The following PPIP5K2 variants were observed in gnomAD, a reference collection of about 807,000 sequenced individuals.
The protein encoded by PPIP5K2 is diphosphoinositol pentakisphosphate kinase 2.
PPIP5K2 carries 105 observed loss-of-function variants against 154.6 expected under a neutral mutation model. The observed-to-expected ratio is 0.68, with a 90% CI of 0.58 to 0.80. The LOEUF is 0.80. Ranked by LOEUF, PPIP5K2 falls within the 30% of genes least tolerant of loss-of-function variation. PPIP5K2 has a pLI of 0.00. For missense variants in PPIP5K2, 992 were observed against 1,504.6 expected (o/e 0.66, Z 5.64); for synonymous variants, 480 against 490.3 (o/e 0.98, Z 0.28).
At chr5:103,182,683 G>A (rs1265320195) in intron 24 of PPIP5K2, among the ~76,000 whole-genome samples, 1 of 152,072 alleles carries the variant, frequency 6.6e-6, no homozygotes, top group Non-Finnish European at 1.5e-5. Context: ...GTATAAACAG[G>A]TGCAATTTGA....
intron 23 of PPIP5K2, among the ~76,000 whole-genome samples, chr5:103,178,888 ATGAT>A (rs1386695591): frequency 2.6e-5 from 4 of 151,826 alleles, no homozygotes; most frequent in African/African-American, 9.7e-5. Context: ...GCTGTCATAA[ATGAT>A]TTATTTATGA....
chr5:103,195,152 G>C (rs1801882028), intron 30 of PPIP5K2, 127 bp downstream of exon 30: 1 of 1,206,852 alleles, frequency 8.3e-7, no homozygotes, highest in South Asian at 2.0e-5. Context: ...ATGATCCTAA[G>C]GGTTAAAAAT....
chr5:103,165,249 T>G (rs555168676), intron 17 of PPIP5K2, among the ~76,000 whole-genome samples: 24 of 152,166 alleles, frequency 1.6e-4, no homozygotes, highest in African/African-American at 5.5e-4. Context: ...CTTGATCTCA[T>G]TACTATACAG....
rs536262998 is a variant in PPIP5K2 at position 103,210,811 on chromosome 5, A to G, written c.*9177A>G. 1.8e-4 allele frequency: 27 copies of G among 152,270 alleles called. No homozygotes were observed. Among genetic ancestry groups the G allele is most frequent in the African/African-American group, 3.8e-4 (16 of 41,572 alleles). The allele number at this position is 152,270 out of a possible 1,614,324, so 9.4% of individuals were successfully genotyped here. ...TATCAGCATGAGACAATTTATTTGC[A>G]TAATAGCTTTTTGTTATTATCCAGA... On this transcript the variant is annotated 3_prime_UTR_variant, in exon 31 of 31. Coordinates refer to ENST00000358359, the MANE Select transcript of PPIP5K2 (RefSeq NM_001276277.3).
In PPIP5K2 at chr5:103,211,932, A is replaced by G. The variant is rs1554232608; in HGVS notation, c.*10298A>G. On this transcript the variant is annotated 3_prime_UTR_variant, in exon 31 of 31. Transcript: ENST00000358359. Reference sequence around the variant, plus strand: ...TGTTACAGGTGAAAAGCAAGAATTAAAACTAGTTATCTGAATGTAAAAGGA... The same window carrying G: ...TGTTACAGGTGAAAAGCAAGAATTAGAACTAGTTATCTGAATGTAAAAGGA... The G allele has an allele frequency of 6.6e-6, 1 of 152,170 alleles. No individual in the cohort carries two copies. Among genetic ancestry groups the G allele is most frequent in the Non-Finnish European group, 1.5e-5 (1 of 67,994 alleles). The allele number at this position is 152,170 out of a possible 1,614,324, so 9.4% of individuals were successfully genotyped here.
At chr5:103,149,105 C>G (rs892138977) in intron 7 of PPIP5K2, 47 bp from the exon 8 acceptor site, 1 of 1,394,714 alleles carries the variant, frequency 7.2e-7, no homozygotes. Flanking sequence ...CACACACACA[C>G]ACACATACAT....
rs1800546472 is a variant in PPIP5K2, at chr5:103,187,321, A to C, written c.3297A>C (p.Thr1099=). The part of the protein sequence containing the change: ...LTSSGCIDDA[T]RGSAVKRFSI... Reference sequence around the variant, plus strand: ...TGTTTTTCTCTTTCTTAGACGCCACACGCGGTTCTGCTGTTAAAAGGTTTT... The same window carrying C: ...TGTTTTTCTCTTTCTTAGACGCCACCCGCGGTTCTGCTGTTAAAAGGTTTT... The change falls in exon 28 of 31, where the codon ACA becomes ACC. Residue 1099 remains threonine (T), a synonymous_variant. Coordinates refer to ENST00000358359, the MANE Select transcript of PPIP5K2 (RefSeq NM_001276277.3). 2 of 1,535,022 alleles carry C rather than the reference A, an allele frequency of 1.3e-6. No homozygotes were observed. Among genetic ancestry groups the C allele is most frequent in the South Asian group, 2.4e-5 (2 of 83,986 alleles).
At chr5:103,180,294 A>C (rs1168965646) in intron 24 of PPIP5K2, 106 bp downstream of exon 24, 7 of 876,766 alleles carry the variant, frequency 8.0e-6, no homozygotes, top group African/African-American at 3.6e-5. Flanking sequence ...GAAACCAACA[A>C]ATTTTTAAAT....
intron 29 of PPIP5K2, 175 bp from the exon 30 acceptor site, chr5:103,194,725 A>G: frequency 1.7e-6 from 1 of 604,022 alleles, no homozygotes; most frequent in Non-Finnish European, 2.9e-6. Flanking sequence ...GTCTAAGGCC[A>G]TAACAGAACT....
rs34142985 is a variant in PPIP5K2 at position 103,208,096 on chromosome 5, C to CT, written c.*6473dup. The CT allele has an allele frequency of 0.24, 34,617 of 142,634 alleles. 4,732 individuals carry two copies. The highest frequency in any genetic ancestry group is 0.45 in the East Asian group (2,183 of 4,882). 8.8% of individuals were successfully genotyped at this position (142,634 alleles called of 1,614,324 possible). ...TAGGTTGGCTTTTCTTTTTCTTTTT[C>CT]TTTTTTTTTTTGAGATGGAGTTTTA... On this transcript the variant is annotated 3_prime_UTR_variant, in exon 31 of 31. Coordinates refer to ENST00000358359, the MANE Select transcript of PPIP5K2 (RefSeq NM_001276277.3).
Position 103,203,347 on chromosome 5 carries a change from A to T in PPIP5K2, c.*1713A>T, listed in dbSNP as rs1056942678. ...TATTATTGGCTATATACATAGCAATATATTACTTTCCAAACTAGAAAGTAC... is the reference window on the plus strand; with the variant it reads ...TATTATTGGCTATATACATAGCAATTTATTACTTTCCAAACTAGAAAGTAC... On this transcript the variant is annotated 3_prime_UTR_variant, in exon 31 of 31. Transcript: ENST00000358359. 2.0e-5 allele frequency: 3 copies of T among 152,216 alleles called. No individual in the cohort carries two copies. Among genetic ancestry groups the T allele is most frequent in the African/African-American group, 7.2e-5 (3 of 41,462 alleles). The allele number at this position is 152,216 out of a possible 1,614,324, so 9.4% of individuals were successfully genotyped here. A position where few individuals can be genotyped will look rare whatever the true frequency, so the allele number is the denominator to read the frequency against.
Position 103,133,546 on chromosome 5 carries a change from T to C in PPIP5K2, c.208T>C (p.Phe70Leu). The change falls in exon 3 of 31, where the codon TTT becomes CTT. Residue 70 changes from phenylalanine to leucine, a missense_variant. By Grantham distance (22) the Phe-to-Leu change is conservative (BLOSUM62 0). Around this residue, in one of 9 missense-constraint regions of PPIP5K2, gnomAD observed 153 missense variants for 200.4 expected, o/e 0.76. Coordinates refer to ENST00000358359, the MANE Select transcript of PPIP5K2 (RefSeq NM_001276277.3). ...MKEILERISL[F>L]KYITVVVFEE... ...GGAAATTCTTGAACGGATCTCCTTA[T>C]TTAAATATATCACAGTAGTAGTATT... 6.2e-7 allele frequency: 1 copy of C among 1,612,886 alleles called. No individual in the cohort carries two copies. The highest frequency in any genetic ancestry group is 8.5e-7 in the Non-Finnish European group (1 of 1,179,588).
Position 103,202,230 on chromosome 5 carries a change from T to C in PPIP5K2, c.*596T>C, listed in dbSNP as rs900574563. The stretch of plus-strand genomic sequence containing the variant: ...TTTTATTGTGTGTTATTTAAAATAT[T>C]ACATATGCAGCTGGGAGAACTACAC... On this transcript the variant is annotated 3_prime_UTR_variant, in exon 31 of 31. Coordinates refer to ENST00000358359, the MANE Select transcript of PPIP5K2 (RefSeq NM_001276277.3). The C allele has an allele frequency of 6.6e-6, 1 of 152,446 alleles. No individual in the cohort carries two copies. The highest frequency in any genetic ancestry group is 1.5e-5 in the Non-Finnish European group (1 of 67,990). The allele number at this position is 152,446 out of a possible 1,614,324, so 9.4% of individuals were successfully genotyped here. A position where few individuals can be genotyped will look rare whatever the true frequency, so the allele number is the denominator to read the frequency against.
intron 30 of PPIP5K2, among the ~76,000 whole-genome samples, chr5:103,198,586 A>G (rs1217114590): frequency 6.6e-6 from 1 of 152,190 alleles, no homozygotes; most frequent in East Asian, 1.9e-4. Flanking sequence ...GCTCTGTTAC[A>G]TAATTAGATG....
intron 23 of PPIP5K2, among the ~76,000 whole-genome samples, chr5:103,179,087 A>T (rs1554221825): frequency 6.6e-6 from 1 of 152,002 alleles, no homozygotes; most frequent in Non-Finnish European, 1.5e-5. Context: ...TCATAACATC[A>T]TCTATGAATG....
intron 26 of PPIP5K2, among the ~76,000 whole-genome samples, chr5:103,185,255 C>A (rs1034606056): frequency 6.6e-6 from 1 of 152,118 alleles, no homozygotes; most frequent in Non-Finnish European, 1.5e-5. Flanking sequence ...ATAATTGGTT[C>A]TTTGCTAACA....
chr5:103,143,318 G>A (rs533973711), intron 5 of PPIP5K2, among the ~76,000 whole-genome samples: 117 of 152,294 alleles, frequency 7.7e-4, no homozygotes, highest in African/African-American at 2.6e-3. Flanking sequence ...AGCTTCCTGA[G>A]TAGCTGGGAC....
intron 5 of PPIP5K2, among the ~76,000 whole-genome samples, chr5:103,144,109 T>C (rs904732260): frequency 1.3e-5 from 2 of 150,858 alleles, no homozygotes; most frequent in Non-Finnish European, 3.0e-5. Flanking sequence ...CTTACAAAAA[T>C]CCATAGCATT....
chr5:103,187,489 C>A, intron 28 of PPIP5K2, 113 bp downstream of exon 28: 1 of 802,706 alleles, frequency 1.2e-6, no homozygotes, highest in Non-Finnish European at 1.9e-6. Flanking sequence ...TCCTTAATGT[C>A]AATTGGCGTA....
Sources: allele counts gnomAD v4.1 joint callset (sites outside exome capture counted in the v4.1 genomes callset), GRCh38; gene constraint gnomAD v4.1.1; regional missense constraint gnomAD v4.1.1; transcripts MANE v1.5; gene names NCBI Gene and HGNC (gene_info 2026-07-23, HGNC 2026-07-21).